Variants in ITGA1 observed in about 807,000 individuals in gnomAD.
ITGA1 encodes the protein integrin alpha-1.
ITGA1 carries 85 observed loss-of-function variants against 145.9 expected under a neutral mutation model. The observed-to-expected ratio is 0.58, with a 90% CI of 0.49 to 0.70. The LOEUF is 0.70. Ranked by LOEUF, ITGA1 falls within the 30% of genes least tolerant of loss-of-function variation. The pLI is 0.00. For synonymous variants in ITGA1, 520 were observed against 495.3 expected, an observed-to-expected ratio of 1.05 and a Z score of -0.66; for missense variants, 1,351 against 1,418.7, an observed-to-expected ratio of 0.95 and a Z score of 0.77.
chr5:52,798,825 A>G (rs1383534171), intron 1 of ITGA1, among the ~76,000 whole-genome samples: 4 of 152,196 alleles, frequency 2.6e-5, no homozygotes, highest in Admixed American at 6.5e-5. Context: ...TATGGTAAAG[A>G]TCTTGGCGCT....
chr5:52,917,391 T>C (rs890535674), intron 15 of ITGA1, among the ~76,000 whole-genome samples: 1 of 152,202 alleles, frequency 6.6e-6, no homozygotes, highest in African/African-American at 2.4e-5. Flanking sequence ...AAAGATACAA[T>C]CTAGAAGTAC....
chr5:52,853,177 G>A (rs1244858083), intron 2 of ITGA1, among the ~76,000 whole-genome samples: 3 of 152,168 alleles, frequency 2.0e-5, no homozygotes, highest in African/African-American at 7.2e-5. Context: ...CCAAAAAGAT[G>A]TGGGCAATTG....
At chr5:52,881,211 T>C (rs894260347) in intron 6 of ITGA1, among the ~76,000 whole-genome samples, 4 of 152,226 alleles carry the variant, frequency 2.6e-5, no homozygotes, top group Non-Finnish European at 5.9e-5. Context: ...GCAGGCTACA[T>C]AACCTGATTA....
chr5:52,833,340 A>C (rs191868553), intron 1 of ITGA1, among the ~76,000 whole-genome samples: 15 of 152,322 alleles, frequency 9.8e-5, no homozygotes, highest in Non-Finnish European at 2.1e-4. Flanking sequence ...CATAAAGAGT[A>C]CAACCAAGCC....
chr5:52,863,912 A>G (rs1749644314), intron 3 of ITGA1: 1 of 152,274 alleles, frequency 6.6e-6, no homozygotes, highest in South Asian at 2.1e-4. Context: ...GACAAAGGCC[A>G]TTGCGCAGAT....
At chr5:52,848,362 T>C (rs913642718) in intron 1 of ITGA1, among the ~76,000 whole-genome samples, 2 of 152,206 alleles carry the variant, frequency 1.3e-5, no homozygotes, top group Non-Finnish European at 2.9e-5. Context: ...TCAGAGTTCA[T>C]TGATGGCCAT....
At chr5:52,878,960 CCAAA>C (rs1226185565) in intron 6 of ITGA1, among the ~76,000 whole-genome samples, 3 of 103,890 alleles carry the variant, frequency 2.9e-5, no homozygotes, top group South Asian at 3.5e-4. Flanking sequence ...AGTCTAAGTA[CCAAA>C]AAAAAAAAAA....
rs1344378390 is a variant in ITGA1 at position 52,954,430 on chromosome 5, A to C, written c.*1979A>C. The C allele has an allele frequency of 6.6e-6, 1 of 152,206 alleles. No individual in the cohort carries two copies. The highest frequency in any genetic ancestry group is 1.9e-4 in the East Asian group (1 of 5,194). The allele number at this position is 152,206 out of a possible 1,614,324, so 9.4% of individuals were successfully genotyped here. A position where few individuals can be genotyped will look rare whatever the true frequency, so the allele number is the denominator to read the frequency against. On this transcript the variant is annotated 3_prime_UTR_variant, in exon 29 of 29. Coordinates refer to ENST00000282588, the MANE Select transcript of ITGA1 (RefSeq NM_181501.2). ...GTGTGCACTTTTAAACTAAATTGTT[A>C]ACTGAAAGGGAAAAAATAGAAATGA...
At chr5:52,931,971 T>C (rs1750899143) in intron 21 of ITGA1, 76 bp from the exon 22 acceptor site, 3 of 858,806 alleles carry the variant, frequency 3.5e-6, no homozygotes, top group Non-Finnish European at 5.7e-6. Context: ...GATAAGCTTC[T>C]CTTTCAAACA....
chr5:52,882,484 G>A (rs1400594203), intron 7 of ITGA1, among the ~76,000 whole-genome samples: 3 of 151,448 alleles, frequency 2.0e-5, no homozygotes, highest in Admixed American at 6.6e-5. Flanking sequence ...GTGTTAAGGC[G>A]CCAAATTAAA....
In ITGA1 at chr5:52,939,609, A is replaced by C. The variant is rs1245440687; in HGVS notation, c.3098A>C (p.His1033Pro). 1 of 1,612,054 alleles carries C rather than the reference A, an allele frequency of 6.2e-7. No individual in the cohort carries two copies. The highest frequency in any genetic ancestry group is 8.5e-7 in the Non-Finnish European group (1 of 1,178,230). Reference sequence around the variant, plus strand: ...TTCTAGAATGCAAACTGCAGACCCCATATCTTTGAGGATCCTTTCAGTATC... The same window carrying C: ...TTCTAGAATGCAAACTGCAGACCCCCTATCTTTGAGGATCCTTTCAGTATC... ...SSSENANCRPHIFEDPFSINS... is the reference protein window; with the variant it reads ...SSSENANCRPPIFEDPFSINS... The change falls in exon 25 of 29, where the codon CAT becomes CCT. Residue 1033 changes from histidine (H) to proline (P), a missense_variant. His to Pro is a moderately conservative substitution (Grantham distance 77). Coordinates refer to ENST00000282588, the MANE Select transcript of ITGA1 (RefSeq NM_181501.2).
At chr5:52,881,781 A>G in intron 6 of ITGA1, 92 bp from the exon 7 acceptor site, 1 of 1,181,616 alleles carries the variant, frequency 8.5e-7, no homozygotes, top group South Asian at 1.8e-5. Context: ...ACTCATCTGA[A>G]ATGTATTATA....
intron 12 of ITGA1, 109 bp from the exon 13 acceptor site, chr5:52,908,789 G>T (rs2111846524): frequency 2.6e-6 from 3 of 1,172,952 alleles, no homozygotes; most frequent in Non-Finnish European, 3.6e-6. Flanking sequence ...CATTTCCTTT[G>T]CCAACTAGCT....
chr5:52,845,640 T>C (rs951493609), intron 1 of ITGA1, among the ~76,000 whole-genome samples: 9 of 152,144 alleles, frequency 5.9e-5, no homozygotes, highest in Non-Finnish European at 1.0e-4. Flanking sequence ...AATTTGGCTG[T>C]GTCTGGAGAT....
rs1751264617 is a variant in ITGA1, at chr5:52,953,831, T to A, written c.*1380T>A. ...TTGCTGACATTTCTGCAACAACATTTCTCCATCTGATTTACCAGAACCTGT... is the reference window on the plus strand; with the variant it reads ...TTGCTGACATTTCTGCAACAACATTACTCCATCTGATTTACCAGAACCTGT... On this transcript the variant is annotated 3_prime_UTR_variant, in exon 29 of 29. Transcript: ENST00000282588. The A allele has an allele frequency of 6.6e-6, 1 of 152,204 alleles. No homozygotes were observed. The highest frequency in any genetic ancestry group is 2.1e-4 in the South Asian group (1 of 4,832). The allele number at this position is 152,204 out of a possible 1,614,324, so 9.4% of individuals were successfully genotyped here. A position where few individuals can be genotyped will look rare whatever the true frequency, so the allele number is the denominator to read the frequency against.
chr5:52,919,649 C>G (rs1242526820), intron 16 of ITGA1, among the ~76,000 whole-genome samples: 1 of 152,032 alleles, frequency 6.6e-6, no homozygotes, highest in Non-Finnish European at 1.5e-5. Flanking sequence ...GAAATAGCCT[C>G]CTGACTAGAA....
rs779714917 is a variant in ITGA1, at chr5:52,944,985, C to T, written c.3328C>T (p.Arg1110Trp). 3.7e-5 allele frequency: 60 copies of T among 1,613,148 alleles called. No homozygotes were observed. The South Asian group carries it at 4.3e-4, about 12-fold the overall frequency. The change falls in exon 27 of 29, where the codon CGG becomes TGG. Residue 1110 changes from arginine to tryptophan, a missense_variant. Coordinates refer to ENST00000282588, the MANE Select transcript of ITGA1 (RefSeq NM_181501.2). ...AAATCTTACTATAAGGGGAGAACTTCGGAGTGAAAATGCATCTCTGGTTTT... is the reference window on the plus strand; with the variant it reads ...AAATCTTACTATAAGGGGAGAACTTTGGAGTGAAAATGCATCTCTGGTTTT... ...SLNLTIRGEL[R>W]SENASLVLSS...
intron 1 of ITGA1, among the ~76,000 whole-genome samples, chr5:52,830,541 G>A (rs1400776615): frequency 1.3e-5 from 2 of 152,124 alleles, no homozygotes; most frequent in African/African-American, 2.4e-5. Flanking sequence ...CATCCAGAAA[G>A]TTACTCCATG....
At chr5:52,849,249 CT>C (rs200460098) in intron 1 of ITGA1, 115 bp from the exon 2 acceptor site, 1,205 of 853,654 alleles carry the variant, frequency 1.4e-3, no homozygotes, top group Middle Eastern at 2.9e-3. Context: ...CTTTGAGCTT[CT>C]TTTTTTTTAA....
Sources: gnomAD v4.1 joint callset for allele counts (sites outside exome capture counted in the v4.1 genomes callset) on GRCh38, gnomAD v4.1.1 for gene constraint, MANE v1.5 for transcripts, NCBI Gene and HGNC (gene_info 2026-07-23, HGNC 2026-07-21) for gene names.